The following TENM3 variants were observed in gnomAD, a reference collection of about 807,000 sequenced individuals.
TENM3 encodes the protein teneurin transmembrane protein 3.
In TENM3, 63 loss-of-function variants were observed where a neutral mutation model predicts 255.1. That is an observed-to-expected ratio of 0.25 (90% CI 0.20 to 0.30). TENM3 has a LOEUF of 0.30. TENM3 is among the 10% of genes least tolerant of loss of function. The pLI is 1.00. For missense variants in TENM3, 2,929 were observed against 3,461.1 expected, an observed-to-expected ratio of 0.85 and a Z score of 3.86; for synonymous variants, 1,306 against 1,322.3, an observed-to-expected ratio of 0.99 and a Z score of 0.27.
the TENM3 span, among the ~76,000 whole-genome samples, chr4:181,769,013 A>AT: frequency 5.3e-5 from 8 of 151,904 alleles, no homozygotes; most frequent in Non-Finnish European, 1.0e-4. Context: ...TTTTCAAGAG[A>AT]TTTTTTTCTC....
chr4:182,718,220 G>C (rs1759367989), intron 13 of TENM3, among the ~76,000 whole-genome samples: 2 of 152,154 alleles, frequency 1.3e-5, no homozygotes, highest in South Asian at 4.2e-4. Context: ...AATTCAGATA[G>C]AGTTGCACCC....
chr4:181,593,182 G>T, the TENM3 span, among the ~76,000 whole-genome samples: 1 of 152,270 alleles, frequency 6.6e-6, no homozygotes, highest in African/African-American at 2.4e-5. Context: ...ATTAAAAGTT[G>T]CTTTGAGCAG....
the TENM3 span, among the ~76,000 whole-genome samples, chr4:181,922,932 G>T: frequency 6.6e-6 from 1 of 152,052 alleles, no homozygotes; most frequent in Non-Finnish European, 1.5e-5. Flanking sequence ...CTGGTATGTT[G>T]TGTCTTTGTT....
In TENM3 at chr4:182,538,554, C is replaced by T. The variant is rs567612830; in HGVS notation, c.512-62370C>T. On this transcript the variant is annotated intron_variant, in intron 3 of 27. Coordinates refer to ENST00000511685, the MANE Select transcript of TENM3 (RefSeq NM_001080477.4). The stretch of plus-strand genomic sequence containing the variant: ...GAACACAGAGCAAAGCAGCATAATG[C>T]AAGGTGAGCTTTGTTTAAGGACTTG... Among the ~76,000 whole-genome samples the T allele has an allele frequency of 1.1e-4, 16 of 152,250 alleles. No individual in the cohort carries two copies. The South Asian group carries it at 3.3e-3, about 32-fold the overall frequency.
the TENM3 span, among the ~76,000 whole-genome samples, chr4:182,132,859 C>T: frequency 3.6e-4 from 55 of 152,138 alleles, no homozygotes; most frequent in Non-Finnish European, 5.7e-4. Context: ...TTAATCCTGG[C>T]TCTTCTACTT....
the TENM3 span, among the ~76,000 whole-genome samples, chr4:181,474,374 C>G: frequency 3.3e-5 from 5 of 152,020 alleles, no homozygotes; most frequent in African/African-American, 1.2e-4. Flanking sequence ...AACTTACATA[C>G]ATAGTTTTAT....
At chr4:181,942,567 A>G in the TENM3 span, among the ~76,000 whole-genome samples, 1 of 152,168 alleles carries the variant, frequency 6.6e-6, no homozygotes, top group Non-Finnish European at 1.5e-5. Flanking sequence ...CAGACTGCAT[A>G]TAGTGAGTTT....
At chr4:182,501,674 T>C (rs1736338910) in intron 3 of TENM3, among the ~76,000 whole-genome samples, 2 of 152,206 alleles carry the variant, frequency 1.3e-5, no homozygotes, top group Admixed American at 6.5e-5. Context: ...TCATTATTTC[T>C]TAATGTTTCA....
chr4:181,562,013 C>T, the TENM3 span, among the ~76,000 whole-genome samples: 87 of 152,084 alleles, frequency 5.7e-4, 1 homozygote, highest in East Asian at 0.014. Context: ...AATTTTGTGA[C>T]GTTGATCACT....
intron 3 of TENM3, among the ~76,000 whole-genome samples, chr4:182,426,746 G>A (rs1160643331): frequency 6.6e-6 from 1 of 151,962 alleles, no homozygotes; most frequent in Non-Finnish European, 1.5e-5. Flanking sequence ...AGCCTGATAA[G>A]GATTTTTAAA....
chr4:182,503,309 C>G (rs1220906110), intron 3 of TENM3, among the ~76,000 whole-genome samples: 1 of 152,164 alleles, frequency 6.6e-6, no homozygotes, highest in Non-Finnish European at 1.5e-5. Flanking sequence ...CTTACAGGGA[C>G]ATTCAGTCTT....
chr4:182,297,516 T>A (rs561037768), intron 1 of TENM3, among the ~76,000 whole-genome samples: 66 of 152,288 alleles, frequency 4.3e-4, no homozygotes, highest in Middle Eastern at 3.4e-3. Context: ...TCAGATTTCG[T>A]CTTCATTACT....
At chr4:181,519,507 TCAAAA>T in the TENM3 span, among the ~76,000 whole-genome samples, 4 of 152,204 alleles carry the variant, frequency 2.6e-5, no homozygotes, top group Non-Finnish European at 5.9e-5. Context: ...ACTGTTTATA[TCAAAA>T]CAAAACACAT....
At chr4:182,028,549 G>C in the TENM3 span, among the ~76,000 whole-genome samples, 1 of 151,952 alleles carries the variant, frequency 6.6e-6, no homozygotes, top group Admixed American at 6.6e-5. Context: ...TTGTTTATTT[G>C]CAGTTTTTCT....
chr4:182,009,949 T>C, the TENM3 span, among the ~76,000 whole-genome samples: 3 of 151,396 alleles, frequency 2.0e-5, no homozygotes, highest in African/African-American at 7.3e-5. Flanking sequence ...GGGGAGGGGG[T>C]TCCCCTTTCC....
chr4:181,696,899 G>A, the TENM3 span, among the ~76,000 whole-genome samples: 1 of 152,178 alleles, frequency 6.6e-6, no homozygotes, highest in Non-Finnish European at 1.5e-5. Context: ...GTCAGAGCAC[G>A]GGGTCCTGGG....
In TENM3 at chr4:182,743,435, A is replaced by T; in HGVS notation, c.3629+16A>T. 6.2e-7 allele frequency: 1 copy of T among 1,609,232 alleles called. No homozygotes were observed. The highest frequency in any genetic ancestry group is 8.5e-7 in the Non-Finnish European group (1 of 1,175,790). ...TAGAACTAAGGTACGTCTTTCCTAA[A>T]TTTGGGCTTTTAACCAAAGCTAAAC... On this transcript the variant is annotated intron_variant, in intron 19 of 27. Transcript: ENST00000511685.
intron 3 of TENM3, among the ~76,000 whole-genome samples, chr4:182,455,399 C>T (rs1045948649): frequency 6.6e-6 from 1 of 152,088 alleles, no homozygotes; most frequent in East Asian, 1.9e-4. Flanking sequence ...AGTTGTCATT[C>T]TGAGTTGTGT....
At chr4:182,071,813 G>GAA in the TENM3 span, among the ~76,000 whole-genome samples, 103 of 152,078 alleles carry the variant, frequency 6.8e-4, 1 homozygote, top group Non-Finnish European at 1.1e-3. Context: ...CGAACACCAG[G>GAA]GATGGTTCTT....
Sources: gnomAD v4.1 joint callset for allele counts (sites outside exome capture counted in the v4.1 genomes callset) on GRCh38, gnomAD v4.1.1 for gene constraint, MANE v1.5 for transcripts, NCBI Gene and HGNC (gene_info 2026-07-23, HGNC 2026-07-21) for gene names.